PANX1: variants seen among roughly 807,000 people sequenced by gnomAD.
PANX1 encodes the protein pannexin 1.
Under a neutral mutation model 38.7 loss-of-function variants are expected in PANX1, and 30 were observed. That is an observed-to-expected ratio of 0.78 (90% CI 0.58 to 1.05). The LOEUF is 1.05. Ranked by LOEUF, PANX1 falls within the 50% of genes least tolerant of loss-of-function variation. The probability of loss-of-function intolerance (pLI) is 0.00; values close to 1 mark genes in which losing one functional copy is unlikely to be tolerated. For missense variants in PANX1, 551 were observed against 517.2 expected (o/e 1.07, Z -0.63); for synonymous variants, 230 against 212.2 (o/e 1.08, Z -0.73).
In PANX1 at chr11:94,175,629, G is replaced by A. The variant is rs1035604205; in HGVS notation, c.322-2740G>A. Reference sequence around the variant, plus strand: ...TCTCCCTGTGGTTCCCAGATAGAATGCCTGGCTTTCGTGGTTATGGAAGCA... The same window carrying A: ...TCTCCCTGTGGTTCCCAGATAGAATACCTGGCTTTCGTGGTTATGGAAGCA... On this transcript the variant is annotated intron_variant, in intron 2 of 4. Coordinates refer to ENST00000227638, the MANE Select transcript of PANX1 (RefSeq NM_015368.4). 6 of 463,310 alleles carry A rather than the reference G, an allele frequency of 1.3e-5. 1 individual carries two copies. In the African/African-American group the frequency reaches 1.3e-4, roughly 10 times the overall value. The allele number at this position is 463,310 out of a possible 1,614,324, so 28.7% of individuals were successfully genotyped here.
rs577936753 is a variant in PANX1 at position 94,181,188 on chromosome 11, A to T, written c.*319A>T. On this transcript the variant is annotated 3_prime_UTR_variant, in exon 5 of 5. Transcript: ENST00000227638. ...AGCCCTGTCAGAGCCTCGGAGCAATACCTTTCTGTACCCGTGGTGAGACAA... is the reference window on the plus strand; with the variant it reads ...AGCCCTGTCAGAGCCTCGGAGCAATTCCTTTCTGTACCCGTGGTGAGACAA... The T allele has an allele frequency of 7.7e-6, 2 of 258,174 alleles. No individual in the cohort carries two copies. The highest frequency in any genetic ancestry group is 1.9e-4 in the South Asian group (2 of 10,548). 16.0% of individuals were successfully genotyped at this position (258,174 alleles called of 1,614,324 possible).
intron 2 of PANX1, among the ~76,000 whole-genome samples, chr11:94,162,516 C>T (rs910660205): frequency 6.6e-6 from 1 of 152,236 alleles, no homozygotes; most frequent in African/African-American, 2.4e-5. Flanking sequence ...ACCCTCCGAG[C>T]CAGGCGCTGG....
intron 2 of PANX1, among the ~76,000 whole-genome samples, chr11:94,178,075 A>G (rs931454071): frequency 2.0e-5 from 3 of 148,226 alleles, no homozygotes; most frequent in African/African-American, 7.3e-5. Context: ...GAACGGGAGT[A>G]ATTTTATTTT....
chr11:94,147,506 G>A (rs889481068), intron 1 of PANX1, among the ~76,000 whole-genome samples: 1 of 152,108 alleles, frequency 6.6e-6, no homozygotes, highest in Non-Finnish European at 1.5e-5. Context: ...CCCTCAAACT[G>A]CTACTTAGTT....
intron 3 of PANX1, among the ~76,000 whole-genome samples, chr11:94,178,938 G>A (rs114685879): frequency 1.3e-5 from 2 of 152,106 alleles, no homozygotes; most frequent in Non-Finnish European, 1.5e-5. Context: ...TAATGGAGAC[G>A]CACAGAGGAT....
chr11:94,143,189 C>G (rs1264165433), intron 1 of PANX1, among the ~76,000 whole-genome samples: 1 of 152,156 alleles, frequency 6.6e-6, no homozygotes, highest in Non-Finnish European at 1.5e-5. Flanking sequence ...CAAAATCCAG[C>G]TTTTAAAAGG....
intron 1 of PANX1, among the ~76,000 whole-genome samples, chr11:94,148,859 T>C (rs1357646430): frequency 1.3e-5 from 2 of 152,168 alleles, no homozygotes; most frequent in Non-Finnish European, 2.9e-5. Context: ...TTTTCTCTCC[T>C]GGCTCCTTCC....
chr11:94,136,053 T>G (rs1946685057), intron 1 of PANX1, among the ~76,000 whole-genome samples: 1 of 152,242 alleles, frequency 6.6e-6, no homozygotes, highest in African/African-American at 2.4e-5. Flanking sequence ...AAAGCTTGTT[T>G]GCATGAAAAT....
Position 94,179,599 on chromosome 11 carries a change from T to C in PANX1, c.546-3T>C, listed in dbSNP as rs1947278749. The C allele has an allele frequency of 6.2e-7, 1 of 1,610,126 alleles. No homozygotes were observed. Among genetic ancestry groups the C allele is most frequent in the Non-Finnish European group, 8.5e-7 (1 of 1,176,978 alleles). On this transcript the variant is annotated splice_region_variant and splice_polypyrimidine_tract_variant and intron_variant, in intron 3 of 4. Coordinates refer to ENST00000227638, the MANE Select transcript of PANX1 (RefSeq NM_015368.4). ...AGTTATTTTTGTTTCCTTTATTTTT[T>C]AGTTTGTGGGAGGTATCTGAAAGCC...
chr11:94,139,682 G>C (rs1205335335), intron 1 of PANX1, among the ~76,000 whole-genome samples: 1 of 152,134 alleles, frequency 6.6e-6, no homozygotes, highest in Admixed American at 6.5e-5. Context: ...TTGATCACTA[G>C]TGGCTCATGA....
intron 1 of PANX1, among the ~76,000 whole-genome samples, chr11:94,132,261 T>C (rs1370808046): frequency 6.6e-6 from 1 of 152,226 alleles, no homozygotes; most frequent in Non-Finnish European, 1.5e-5. Context: ...AAGCACGGTC[T>C]AGTAGAGAAG....
chr11:94,173,018 T>G (rs757314602), intron 2 of PANX1, among the ~76,000 whole-genome samples: 5 of 151,772 alleles, frequency 3.3e-5, no homozygotes, highest in Non-Finnish European at 7.4e-5. Context: ...TCTGTAAGCT[T>G]CTCAGGGAGT....
At chr11:94,174,708 G>A (rs1947211258) in intron 2 of PANX1, among the ~76,000 whole-genome samples, 1 of 151,666 alleles carries the variant, frequency 6.6e-6, no homozygotes, top group South Asian at 2.1e-4. Flanking sequence ...ATGTTTTTGA[G>A]TGAATTTACC....
chr11:94,141,095 C>T (rs985156616), intron 1 of PANX1, among the ~76,000 whole-genome samples: 4 of 152,134 alleles, frequency 2.6e-5, no homozygotes, highest in Admixed American at 6.5e-5. Context: ...GTTTTAATGT[C>T]GTGAACCTCC....
chr11:94,174,027 A>G (rs1187772158), intron 2 of PANX1, among the ~76,000 whole-genome samples: 2 of 151,160 alleles, frequency 1.3e-5, no homozygotes, highest in African/African-American at 2.5e-5. Context: ...CTGTGTTCCT[A>G]GGGTGGTAGA....
intron 2 of PANX1, among the ~76,000 whole-genome samples, chr11:94,157,679 C>T (rs1247624980): frequency 9.2e-5 from 14 of 152,192 alleles, no homozygotes; most frequent in Admixed American, 7.2e-4. Flanking sequence ...TTCTCCCATT[C>T]TGTAGGTTGC....
chr11:94,175,786 G>A (rs932240788), intron 2 of PANX1: 1 of 984,768 alleles, frequency 1.0e-6, no homozygotes, highest in East Asian at 1.1e-4. Flanking sequence ...GCTAATCACA[G>A]CCTGCTTTGT....
intron 2 of PANX1, among the ~76,000 whole-genome samples, chr11:94,171,328 CT>C (rs1448894236): frequency 6.6e-6 from 1 of 151,732 alleles, no homozygotes; most frequent in African/African-American, 2.4e-5. Context: ...TCCCCAAGCA[CT>C]TTCAAATAAA....
chr11:94,136,706 T>C (rs1946696717), intron 1 of PANX1, among the ~76,000 whole-genome samples: 1 of 151,894 alleles, frequency 6.6e-6, no homozygotes, highest in Non-Finnish European at 1.5e-5. Flanking sequence ...AGGCGGAGCT[T>C]GCAGTGAGCC....
Sources: allele counts gnomAD v4.1 joint callset (sites outside exome capture counted in the v4.1 genomes callset), GRCh38; gene constraint gnomAD v4.1.1; transcripts MANE v1.5; gene names NCBI Gene and HGNC (gene_info 2026-07-23, HGNC 2026-07-21).